The following LINGO2 variants were observed in gnomAD, a reference collection of about 807,000 sequenced individuals.
LINGO2 encodes the protein leucine-rich repeat and immunoglobulin-like domain-containing nogo receptor-interacting protein 2.
LINGO2 carries 14 observed loss-of-function variants against 30.6 expected under a neutral mutation model. The observed-to-expected ratio is 0.46, with a 90% confidence interval of 0.30 to 0.72. LINGO2 has a LOEUF of 0.72. Among genes scored for constraint, LINGO2 ranks in the 30% least tolerant of loss-of-function variants. The pLI is 0.07. For synonymous variants in LINGO2, 317 were observed against 288.5 expected (o/e 1.10, Z -1.00); for missense variants, 729 against 751.7 (o/e 0.97, Z 0.35).
At chr9:28,814,415 G>A in the LINGO2 span, among the ~76,000 whole-genome samples, 8 of 152,096 alleles carry the variant, frequency 5.3e-5, no homozygotes, top group South Asian at 8.3e-4. Context: ...CCAGCCGGGC[G>A]ACAGAGCGAG....
chr9:28,980,678 T>C, the LINGO2 span, among the ~76,000 whole-genome samples: 1 of 152,242 alleles, frequency 6.6e-6, no homozygotes, highest in African/African-American at 2.4e-5. Context: ...AACTATTTGC[T>C]CAAAGGTCGC....
rs560019052 is a variant in LINGO2, at chr9:28,014,180, G to A, written c.-86-1775C>T. On this transcript the variant is annotated intron_variant, in intron 4 of 5. Transcript: ENST00000379992. ...AGAAACACATGAACACAGTTGGTGC[G>A]CTCGAGCATTTGGAAAATTAAATTA... is the stretch of plus-strand genomic sequence containing the variant. 4.6e-5 allele frequency among the ~76,000 whole-genome samples: 7 copies of A among 152,222 alleles called. No homozygotes were observed. The East Asian group carries it at 5.8e-4, about 13-fold the overall frequency.
At chr9:28,178,372 A>T (rs1828806286) in intron 4 of LINGO2, among the ~76,000 whole-genome samples, 1 of 152,170 alleles carries the variant, frequency 6.6e-6, no homozygotes, top group South Asian at 2.1e-4. Context: ...AATGACTTAT[A>T]TAAATGAAAT....
Position 28,292,526 on chromosome 9 carries a change from G to A in LINGO2, c.-87+2682C>T, listed in dbSNP as rs141950412. Among the ~76,000 whole-genome samples, 2,582 of 151,722 alleles carry A rather than the reference G, an allele frequency of 0.017. 143 individuals are homozygous for A. The East Asian group carries it at 0.19, about 11-fold the overall frequency. ...CACCCAGGCTGGAGTGCAATGGCTC[G>A]ATCTTGGCTCACTGCAACCTCCACC... On this transcript the variant is annotated intron_variant, in intron 4 of 5. Coordinates refer to ENST00000379992, the Ensembl canonical transcript of LINGO2.
rs545529345 is a variant in LINGO2, at chr9:28,251,991, C to A, written c.-87+43217G>T. On this transcript the variant is annotated intron_variant, in intron 4 of 5. Coordinates refer to ENST00000379992, the Ensembl canonical transcript of LINGO2. ...GTTCTACCACTAAATAGCTATGTGACGTTGGCCAATTTGCTTAACTTCCTT... is the reference window on the plus strand; with the variant it reads ...GTTCTACCACTAAATAGCTATGTGAAGTTGGCCAATTTGCTTAACTTCCTT... 1.8e-4 allele frequency among the ~76,000 whole-genome samples: 28 copies of A among 152,162 alleles called. No individual in the cohort carries two copies. The South Asian group carries it at 2.5e-3, about 14-fold the overall frequency.
the LINGO2 span, among the ~76,000 whole-genome samples, chr9:28,787,798 A>G: frequency 6.6e-6 from 1 of 152,148 alleles, no homozygotes; most frequent in Non-Finnish European, 1.5e-5. Context: ...TGCTTATATA[A>G]ATATAACTCA....
At chr9:28,598,436 A>AAAAAC (rs1825304827) in intron 1 of LINGO2, among the ~76,000 whole-genome samples, 1 of 127,974 alleles carries the variant, frequency 7.8e-6, no homozygotes, top group Non-Finnish European at 1.6e-5. Context: ...AAAAAAAAAC[A>AAAAAC]AAACAAACAA....
chr9:28,015,288 T>C (rs1287366972), intron 4 of LINGO2, among the ~76,000 whole-genome samples: 4 of 152,270 alleles, frequency 2.6e-5, no homozygotes, highest in African/African-American at 9.6e-5. Flanking sequence ...ACATTACAAA[T>C]TTCTTGTAGT....
At chr9:28,472,526 C>T (rs1825564126) in intron 2 of LINGO2, among the ~76,000 whole-genome samples, 1 of 151,918 alleles carries the variant, frequency 6.6e-6, no homozygotes, top group African/African-American at 2.4e-5. Context: ...GTTGTCCTAA[C>T]GTTTAAAGAA....
chr9:28,635,610 T>C (rs924069141), intron 1 of LINGO2, among the ~76,000 whole-genome samples: 1 of 152,148 alleles, frequency 6.6e-6, no homozygotes, highest in East Asian at 1.9e-4. Flanking sequence ...CTGGAATTCA[T>C]ATTATGAAAT....
At chr9:28,549,248 C>T (rs1822138438) in intron 1 of LINGO2, among the ~76,000 whole-genome samples, 1 of 152,032 alleles carries the variant, frequency 6.6e-6, no homozygotes. Context: ...TATCCATCCC[C>T]AACTGGTTTT....
the LINGO2 span, among the ~76,000 whole-genome samples, chr9:28,989,501 G>C: frequency 6.6e-6 from 1 of 152,088 alleles, no homozygotes; most frequent in East Asian, 1.9e-4. Flanking sequence ...AAGGATATTA[G>C]ACTAGAATCT....
At chr9:27,969,748 G>A (rs549373626) in intron 5 of LINGO2, among the ~76,000 whole-genome samples, 1 of 152,034 alleles carries the variant, frequency 6.6e-6, no homozygotes, top group Non-Finnish European at 1.5e-5. Context: ...ACCCTGAGTG[G>A]TAGGTGGCAT....
intron 1 of LINGO2, among the ~76,000 whole-genome samples, chr9:28,561,570 A>G (rs1384541338): frequency 6.8e-6 from 1 of 146,330 alleles, no homozygotes; most frequent in Admixed American, 6.9e-5. Context: ...AGATTTATAT[A>G]TAATATAATG....
chr9:28,563,865 T>C (rs1218361822), intron 1 of LINGO2, among the ~76,000 whole-genome samples: 3 of 152,158 alleles, frequency 2.0e-5, no homozygotes, highest in Non-Finnish European at 4.4e-5. Context: ...TGGTCCAATC[T>C]GTGGTATCTC....
At chr9:27,939,255 A>T in the LINGO2 span, 2 of 152,208 alleles carry the variant, frequency 1.3e-5, no homozygotes, top group Non-Finnish European at 2.9e-5. Context: ...TAGAACAATG[A>T]ACTACTCTTC....
chr9:28,805,800 A>G, the LINGO2 span, among the ~76,000 whole-genome samples: 2 of 152,082 alleles, frequency 1.3e-5, no homozygotes, highest in Non-Finnish European at 2.9e-5. Context: ...GCGGTAGTTC[A>G]GGGATATTAA....
the LINGO2 span, among the ~76,000 whole-genome samples, chr9:28,871,976 T>A: frequency 6.6e-6 from 1 of 152,058 alleles, no homozygotes; most frequent in Non-Finnish European, 1.5e-5. Flanking sequence ...AGATGTCTTT[T>A]ACTTGAGGGG....
the LINGO2 span, chr9:27,942,658 G>A: frequency 3.0e-4 from 46 of 152,116 alleles, no homozygotes; most frequent in Middle Eastern, 3.4e-3. Context: ...TTTCAATCAT[G>A]GGATATTCTC....
Sources: gnomAD v4.1 joint callset for allele counts (sites outside exome capture counted in the v4.1 genomes callset) on GRCh38, gnomAD v4.1.1 for gene constraint, MANE v1.5 for transcripts, NCBI Gene and HGNC (gene_info 2026-07-23, HGNC 2026-07-21) for gene names.